The following FAM81A variants were observed in gnomAD, a reference collection of about 807,000 sequenced individuals.
FAM81A encodes protein FAM81A.
FAM81A carries 19 observed loss-of-function variants against 46.7 expected under a neutral mutation model. That is an observed-to-expected ratio of 0.41 (90% CI 0.28 to 0.60). The LOEUF (loss-of-function observed/expected upper bound fraction) is 0.60, where lower values mean the gene tolerates loss of function less well. Among genes scored for constraint, FAM81A ranks in the 20% least tolerant of loss-of-function variants. The pLI is 0.34. For synonymous variants in FAM81A, 183 were observed against 152.9 expected (o/e 1.20, Z -1.45); for missense variants, 377 against 453.5 (o/e 0.83, Z 1.53).
chr15:59,467,834 G>A (rs879306592), intron 3 of FAM81A, among the ~76,000 whole-genome samples: 5 of 152,144 alleles, frequency 3.3e-5, no homozygotes, highest in Non-Finnish European at 5.9e-5. Context: ...GTATGATATT[G>A]GCTGTGGGTT....
intron 2 of FAM81A, among the ~76,000 whole-genome samples, chr15:59,424,525 G>GT (rs1402537318): frequency 1.3e-5 from 2 of 152,162 alleles, no homozygotes; most frequent in East Asian, 1.9e-4. Context: ...CCATCTTGAT[G>GT]TTTTTTCCTA....
intron 2 of FAM81A, among the ~76,000 whole-genome samples, chr15:59,405,502 A>G (rs543304772): frequency 1.3e-5 from 2 of 152,202 alleles, no homozygotes; most frequent in Admixed American, 6.5e-5. Flanking sequence ...TTAGCTGAGC[A>G]TGGTGGTGCA....
rs1290907038 is a variant in FAM81A at position 59,516,784 on chromosome 15, A to G, written c.926A>G (p.Lys309Arg). The G allele has an allele frequency of 1.2e-6, 2 of 1,612,390 alleles. No homozygotes were observed. The highest frequency in any genetic ancestry group is 1.7e-6 in the Non-Finnish European group (2 of 1,179,428). The stretch of plus-strand genomic sequence containing the variant: ...GAGAAGATGCACGGGCGAATCACCA[A>G]GCTGGAGTTACAGATGAACCAGAAC... ...EEEKMHGRIT[K>R]LELQMNQNIK... is the part of the protein sequence containing the mutation. Residue 309 changes from lysine to arginine, a missense_variant, in exon 8 of 9, where the codon AAG (lysine) becomes AGG (arginine). Transcript: ENST00000288228.
At position 59,462,425 on chromosome 15, in the gene FAM81A, T is replaced by C. The variant is rs143186841; in HGVS notation, c.294+2219T>C. Among the ~76,000 whole-genome samples, 978 of 152,318 alleles carry C rather than the reference T, an allele frequency of 6.4e-3. 4 individuals carry two copies. The highest frequency in any genetic ancestry group is 9.9e-3 in the Non-Finnish European group (672 of 68,026). ...TAATGATCTTGAACACCTTTTCATA[T>C]GCTTATTGATCATTTGTATGTCTTT... On this transcript the variant is annotated intron_variant, in intron 3 of 8. Transcript: ENST00000288228.
At chr15:59,402,940 TGAG>T (rs2140463836) in intron 2 of FAM81A, among the ~76,000 whole-genome samples, 1 of 152,294 alleles carries the variant, frequency 6.6e-6, no homozygotes, top group African/African-American at 2.4e-5. Flanking sequence ...AGGTAAAATT[TGAG>T]ATATTATGAT....
intron 4 of FAM81A, among the ~76,000 whole-genome samples, chr15:59,498,923 GATT>G (rs1409131336): frequency 1.3e-5 from 2 of 152,168 alleles, no homozygotes; most frequent in Admixed American, 6.5e-5. Flanking sequence ...AGGATCACTT[GATT>G]ACAAAGTGTT....
At chr15:59,430,807 G>C (rs2081216701) in intron 2 of FAM81A, among the ~76,000 whole-genome samples, 1 of 152,120 alleles carries the variant, frequency 6.6e-6, no homozygotes, top group South Asian at 2.1e-4. Flanking sequence ...GTGTGGCTGG[G>C]ACCAGAAGGA....
chr15:59,409,619 A>C (rs917352186), intron 2 of FAM81A, among the ~76,000 whole-genome samples: 1 of 152,210 alleles, frequency 6.6e-6, no homozygotes. Context: ...CAGACGTGAA[A>C]AAAAGCCAGT....
At chr15:59,502,574 C>T (rs1267144703) in intron 4 of FAM81A, among the ~76,000 whole-genome samples, 1 of 151,496 alleles carries the variant, frequency 6.6e-6, no homozygotes, top group African/African-American at 2.4e-5. Context: ...AGTGCAATGG[C>T]GCGATCTCGG....
chr15:59,425,814 G>A (rs1308052011), intron 2 of FAM81A, among the ~76,000 whole-genome samples: 2 of 152,040 alleles, frequency 1.3e-5, no homozygotes, highest in African/African-American at 4.8e-5. Flanking sequence ...TGTAGAGATG[G>A]GGGTCTCACT....
intron 6 of FAM81A, among the ~76,000 whole-genome samples, chr15:59,512,128 T>A (rs1425523506): frequency 6.6e-6 from 1 of 152,052 alleles, no homozygotes; most frequent in Non-Finnish European, 1.5e-5. Flanking sequence ...ATATGTTGAG[T>A]GAAAAATGAG....
At chr15:59,491,687 G>A (rs906064394) in intron 3 of FAM81A, among the ~76,000 whole-genome samples, 2 of 152,194 alleles carry the variant, frequency 1.3e-5, no homozygotes, top group Non-Finnish European at 2.9e-5. Context: ...GCTCAAACCT[G>A]TAATCCCAGC....
At chr15:59,443,732 G>A (rs2081325394) in intron 1 of FAM81A, among the ~76,000 whole-genome samples, 1 of 152,172 alleles carries the variant, frequency 6.6e-6, no homozygotes, top group African/African-American at 2.4e-5. Context: ...ATTGAGTCAA[G>A]TTGAGGTGTC....
intron 1 of FAM81A, among the ~76,000 whole-genome samples, chr15:59,446,124 C>G (rs940765249): frequency 2.6e-5 from 4 of 152,208 alleles, no homozygotes; most frequent in African/African-American, 9.6e-5. Context: ...GAAGAGGCGT[C>G]GTGTTAGGCT....
At chr15:59,439,238 A>T (rs1277170031) in intron 1 of FAM81A, among the ~76,000 whole-genome samples, 3 of 152,196 alleles carry the variant, frequency 2.0e-5, no homozygotes, top group Non-Finnish European at 4.4e-5. Flanking sequence ...AATCCACAAA[A>T]GTGCAGCTCT....
At chr15:59,401,914 C>CTTTCTT in intron 1 of FAM81A, 2 of 760,312 alleles carry the variant, frequency 2.6e-6, no homozygotes, top group Non-Finnish European at 4.9e-6. Flanking sequence ...TCATGAGCCT[C>CTTTCTT]TCGACTTTCT....
chr15:59,418,816 A>T (rs2081158070), intron 2 of FAM81A, among the ~76,000 whole-genome samples: 1 of 152,184 alleles, frequency 6.6e-6, no homozygotes, highest in African/African-American at 2.4e-5. Flanking sequence ...TTTCCTGCAG[A>T]ATGGAGGTGA....
At position 59,516,789 on chromosome 15, in the gene FAM81A, G is replaced by T. The variant is rs1269720653; in HGVS notation, c.931G>T (p.Glu311Ter). The T allele has an allele frequency of 6.2e-7, 1 of 1,612,090 alleles. No homozygotes were observed. Among genetic ancestry groups the T allele is most frequent in the South Asian group, 1.1e-5 (1 of 90,708 alleles). ...GATGCACGGGCGAATCACCAAGCTGGAGTTACAGATGAACCAGAACATCAA... is the reference window on the plus strand; with the variant it reads ...GATGCACGGGCGAATCACCAAGCTGTAGTTACAGATGAACCAGAACATCAA... ...EKMHGRITKL[E>*]LQMNQNIKEM... The change falls in exon 8 of 9, where the codon GAG (glutamate) becomes TAG (stop). Residue 311 changes from glutamate to a stop codon, truncating the protein, a stop_gained. Coordinates refer to ENST00000288228, the MANE Select transcript of FAM81A (RefSeq NM_152450.3). LOFTEE classifies it high-confidence loss of function.
intron 2 of FAM81A, among the ~76,000 whole-genome samples, chr15:59,423,530 G>C (rs1004182898): frequency 6.6e-6 from 1 of 152,154 alleles, no homozygotes; most frequent in African/African-American, 2.4e-5. Context: ...CTGACTCCAA[G>C]ACTTGACCTC....
Sources: allele counts gnomAD v4.1 joint callset (sites outside exome capture counted in the v4.1 genomes callset), GRCh38; gene constraint gnomAD v4.1.1; transcripts MANE v1.5; gene names NCBI Gene and HGNC (gene_info 2026-07-23, HGNC 2026-07-21).